NRXN1: variants seen among roughly 807,000 people sequenced by gnomAD.
NRXN1 encodes neurexin 1.
In NRXN1, 39 loss-of-function variants were observed where a neutral mutation model predicts 150.9. That is an observed-to-expected ratio of 0.26 (90% CI 0.20 to 0.34). The LOEUF is 0.34. Among genes scored for constraint, NRXN1 ranks in the 10% least tolerant of loss-of-function variants. NRXN1 has a pLI of 1.00. For synonymous variants in NRXN1, 924 were observed against 757.0 expected (o/e 1.22, Z -3.62); for missense variants, 1,815 against 1,949.9 (o/e 0.93, Z 1.30).
intron 18 of NRXN1, among the ~76,000 whole-genome samples, chr2:50,138,809 C>T (rs1234338304): frequency 6.6e-6 from 1 of 152,196 alleles, no homozygotes; most frequent in Non-Finnish European, 1.5e-5. Flanking sequence ...AGAACAACCT[C>T]CTGAAGTTAG....
intron 5 of NRXN1, among the ~76,000 whole-genome samples, chr2:50,631,950 T>C (rs1028420480): frequency 1.3e-5 from 2 of 151,982 alleles, no homozygotes; most frequent in African/African-American, 2.4e-5. Context: ...AGTAGCTTCA[T>C]GAATATGGAC....
intron 2 of NRXN1, among the ~76,000 whole-genome samples, chr2:50,930,449 T>G (rs1687572562): frequency 6.6e-6 from 1 of 152,268 alleles, no homozygotes; most frequent in East Asian, 1.9e-4. Flanking sequence ...CGATTTATAG[T>G]GATTAAGCTA....
intron 5 of NRXN1, among the ~76,000 whole-genome samples, chr2:50,678,302 T>C (rs1187564745): frequency 6.6e-6 from 1 of 152,204 alleles, no homozygotes; most frequent in Admixed American, 6.6e-5. Flanking sequence ...ATTTAAATTT[T>C]ATTTCACATG....
At position 50,531,338 on chromosome 2, in the gene NRXN1, A is replaced by G; in HGVS notation, c.2236T>C (p.Phe746Leu). Residue 746 changes from phenylalanine to leucine, a missense_variant, in exon 11 of 23, where the codon TTC becomes CTC. Around this residue, in one of 6 missense-constraint regions of NRXN1, gnomAD observed 638 missense variants for 652.6 expected, o/e 0.98. Transcript: ENST00000401669. ...HTEAEDVSLR[F>L]RSQRAYGILM... ...ATGCCATATGCACGCTGGGATCGGA[A>G]CCGTAAGGAAACATCCTCAGCCTCC... The G allele has an allele frequency of 6.2e-7, 1 of 1,613,412 alleles. No homozygotes were observed. The highest frequency in any genetic ancestry group is 1.1e-5 in the South Asian group (1 of 90,942).
At chr2:50,106,077 C>T (rs1452764) in intron 18 of NRXN1, among the ~76,000 whole-genome samples, 91,658 of 151,630 alleles carry the variant, frequency 0.6, 28,639 homozygotes, top group African/African-American at 0.74. Flanking sequence ...CTCTTAAAAA[C>T]ATAATGACCA....
intron 17 of NRXN1, among the ~76,000 whole-genome samples, chr2:50,428,337 C>A (rs1313585838): frequency 6.6e-6 from 1 of 152,082 alleles, no homozygotes; most frequent in African/African-American, 2.4e-5. Context: ...ATCACCTAAG[C>A]CCAGAAGGTC....
intron 8 of NRXN1, among the ~76,000 whole-genome samples, chr2:50,581,003 TA>T (rs2103648687): frequency 6.6e-6 from 1 of 152,268 alleles, no homozygotes; most frequent in Admixed American, 6.5e-5. Context: ...TTAAAAGTAT[TA>T]AAAAATACTT....
At chr2:50,687,760 A>G (rs552970917) in intron 5 of NRXN1, among the ~76,000 whole-genome samples, 1 of 152,310 alleles carries the variant, frequency 6.6e-6, no homozygotes, top group South Asian at 2.1e-4. Context: ...AATTTGTAGA[A>G]TATGTCCCCA....
Position 50,619,884 on chromosome 2 carries a change from A to G in NRXN1, c.1320+138T>C, listed in dbSNP as rs181565031. 1.0e-4 allele frequency: 72 copies of G among 698,480 alleles called. No individual in the cohort carries two copies. In the South Asian group the frequency reaches 1.2e-3, roughly 12 times the overall value. The allele number at this position is 698,480 out of a possible 1,614,324, so 43.3% of individuals were successfully genotyped here. On this transcript the variant is annotated intron_variant, in intron 8 of 22. Coordinates refer to ENST00000401669, the MANE Select transcript of NRXN1 (RefSeq NM_001330078.2). ...CTGTTTCCCTCCCCCAATCCTACAT[A>G]AACAATAGTAGAATATTGAATTTAA...
At chr2:50,017,330 T>C (rs1042627799) in intron 21 of NRXN1, among the ~76,000 whole-genome samples, 1 of 152,154 alleles carries the variant, frequency 6.6e-6, no homozygotes. Context: ...AAAATATTTT[T>C]GAAATGAAAA....
intron 5 of NRXN1, among the ~76,000 whole-genome samples, chr2:50,726,908 T>C (rs2105167849): frequency 6.6e-6 from 1 of 152,310 alleles, no homozygotes. Context: ...TGAATCTTAA[T>C]TCATCAATAT....
intron 17 of NRXN1, among the ~76,000 whole-genome samples, chr2:50,351,023 G>C (rs2078372360): frequency 6.6e-6 from 1 of 152,186 alleles, no homozygotes; most frequent in African/African-American, 2.4e-5. Flanking sequence ...TGTCTAGATA[G>C]TGTAGAAAAA....
At chr2:50,766,823 CA>C (rs1702440618) in intron 5 of NRXN1, among the ~76,000 whole-genome samples, 2 of 151,976 alleles carry the variant, frequency 1.3e-5, no homozygotes, top group South Asian at 4.1e-4. Context: ...TGAAGTTCAG[CA>C]TTACAAAAAC....
rs150331220 is a variant in NRXN1, at chr2:50,736,457, T to C, written c.833-112842A>G. Among the ~76,000 whole-genome samples the C allele has an allele frequency of 1.3e-4, 20 of 152,246 alleles. No homozygotes were observed. In the East Asian group the frequency reaches 3.3e-3, roughly 25 times the overall value. On this transcript the variant is annotated intron_variant, in intron 5 of 22. Transcript: ENST00000401669. ...TTTACGCTTCACAAGGATAGTGATA[T>C]GGCTTGGCTGTGTCCCCACCCAAAT...
intron 21 of NRXN1, among the ~76,000 whole-genome samples, chr2:49,987,268 T>A (rs1291060532): frequency 6.6e-6 from 1 of 152,138 alleles, no homozygotes; most frequent in Non-Finnish European, 1.5e-5. Flanking sequence ...GAACATGCAG[T>A]AAAATTTTAG....
At chr2:50,328,702 C>T (rs1157391160) in intron 17 of NRXN1, among the ~76,000 whole-genome samples, 1 of 152,180 alleles carries the variant, frequency 6.6e-6, no homozygotes, top group Non-Finnish European at 1.5e-5. Context: ...TGTCACTGAA[C>T]TCCAGCCCAG....
intron 2 of NRXN1, among the ~76,000 whole-genome samples, chr2:50,945,148 T>C (rs1230141185): frequency 6.6e-6 from 1 of 152,206 alleles, no homozygotes; most frequent in Non-Finnish European, 1.5e-5. Context: ...AACTCTGTTA[T>C]TGCAATGGGA....
At chr2:50,790,204 G>A (rs1705737635) in intron 5 of NRXN1, among the ~76,000 whole-genome samples, 1 of 151,850 alleles carries the variant, frequency 6.6e-6, no homozygotes, top group Non-Finnish European at 1.5e-5. Context: ...ATTATGAAAT[G>A]TGCCCCATTC....
At chr2:50,545,487 C>T (rs1327121042) in intron 9 of NRXN1, among the ~76,000 whole-genome samples, 1 of 152,138 alleles carries the variant, frequency 6.6e-6, no homozygotes, top group Non-Finnish European at 1.5e-5. Context: ...GAGTCTGCCC[C>T]TTAGCTAGGC....
Sources: allele counts gnomAD v4.1 joint callset (sites outside exome capture counted in the v4.1 genomes callset), GRCh38; gene constraint gnomAD v4.1.1; regional missense constraint gnomAD v4.1.1; transcripts MANE v1.5; gene names NCBI Gene and HGNC (gene_info 2026-07-23, HGNC 2026-07-21).